The following NDFIP2 variants were observed in gnomAD, a reference collection of about 807,000 sequenced individuals.
NDFIP2 encodes Nedd4 family interacting protein 2, also known as NEDD4 family-interacting protein 2.
NDFIP2 carries 19 observed loss-of-function variants against 36.0 expected under a neutral mutation model. The ratio of observed to expected loss-of-function variants is 0.53; its 90% CI spans 0.37 to 0.77. The LOEUF (loss-of-function observed/expected upper bound fraction) is 0.77, where lower values mean the gene tolerates loss of function less well. Among genes scored for constraint, NDFIP2 ranks in the 30% least tolerant of loss-of-function variants. NDFIP2 has a pLI of 0.00. For missense variants in NDFIP2, 446 were observed against 435.8 expected, an observed-to-expected ratio of 1.02 and a Z score of -0.21; for synonymous variants, 181 against 167.7, an observed-to-expected ratio of 1.08 and a Z score of -0.61.
intron 3 of NDFIP2, among the ~76,000 whole-genome samples, chr13:79,538,474 A>G (rs906767938): frequency 7.2e-5 from 11 of 152,204 alleles, no homozygotes; most frequent in African/African-American, 2.7e-4. Flanking sequence ...AAATGGCACT[A>G]TAGGCATTGG....
chr13:79,553,578 C>G lies in NDFIP2; in HGVS notation c.*1065C>G, dbSNP rs1257865192. On this transcript the variant is annotated 3_prime_UTR_variant, in exon 8 of 8. Coordinates refer to ENST00000218652, the MANE Select transcript of NDFIP2 (RefSeq NM_019080.3). ...ATTTGTAAAGCTTAGCAAATAAAAT[C>G]TTGTACTATGAATAGCTTCTTGCTT... The G allele has an allele frequency of 6.6e-6, 1 of 151,564 alleles. No individual in the cohort carries two copies. The highest frequency in any genetic ancestry group is 1.5e-5 in the Non-Finnish European group (1 of 67,432). The allele number at this position is 151,564 out of a possible 1,614,324, so 9.4% of individuals were successfully genotyped here.
chr13:79,543,702 G>T lies in NDFIP2; in HGVS notation c.840+20G>T. ...GTCAGGGTGAGTGTCTTGATAGCCT[G>T]TATCTCTTTTATCTCTAAAATGAGA... is the stretch of plus-strand genomic sequence containing the variant. On this transcript the variant is annotated intron_variant, in intron 5 of 7. Coordinates refer to ENST00000218652, the MANE Select transcript of NDFIP2 (RefSeq NM_019080.3). 1 of 1,608,890 alleles carries T rather than the reference G, an allele frequency of 6.2e-7. No homozygotes were observed. The highest frequency in any genetic ancestry group is 1.1e-5 in the South Asian group (1 of 89,412).
At chr13:79,491,382 A>G (rs1420981432) in intron 1 of NDFIP2, among the ~76,000 whole-genome samples, 2 of 152,020 alleles carry the variant, frequency 1.3e-5, no homozygotes, top group Admixed American at 1.3e-4. Flanking sequence ...GTTTCTTTGC[A>G]TTCTCTTCCA....
chr13:79,539,855 G>T (rs1461211838), intron 4 of NDFIP2, 80 bp downstream of exon 4: 3 of 1,158,480 alleles, frequency 2.6e-6, no homozygotes, highest in Non-Finnish European at 3.9e-6. Flanking sequence ...GTGAAGAGAA[G>T]CAAATATTGT....
chr13:79,512,794 C>T (rs1874129982), intron 1 of NDFIP2, among the ~76,000 whole-genome samples: 3 of 152,142 alleles, frequency 2.0e-5, no homozygotes, highest in Admixed American at 1.3e-4. Context: ...ACATGTCTTG[C>T]AGTCTCTGAA....
At chr13:79,488,607 C>T (rs1873108991) in intron 1 of NDFIP2, among the ~76,000 whole-genome samples, 1 of 152,036 alleles carries the variant, frequency 6.6e-6, no homozygotes, top group Admixed American at 6.6e-5. Context: ...GGTAAGGGAG[C>T]AGTTTTTAGA....
intron 7 of NDFIP2, among the ~76,000 whole-genome samples, chr13:79,551,898 C>T (rs1406114041): frequency 6.6e-6 from 1 of 151,276 alleles, no homozygotes; most frequent in Admixed American, 6.6e-5. Context: ...CATTTGAACT[C>T]TATTACCAAA....
intron 1 of NDFIP2, among the ~76,000 whole-genome samples, chr13:79,487,706 T>G (rs575540036): frequency 2.6e-5 from 4 of 152,204 alleles, no homozygotes; most frequent in Admixed American, 2.6e-4. Context: ...AACATTCTGC[T>G]GCTGTCAATC....
chr13:79,527,054 T>A (rs1282296913), intron 2 of NDFIP2, among the ~76,000 whole-genome samples: 3 of 152,160 alleles, frequency 2.0e-5, no homozygotes, highest in Non-Finnish European at 4.4e-5. Context: ...AGATCACTGG[T>A]GACTTTTGCC....
At chr13:79,505,720 A>G (rs193007257) in intron 1 of NDFIP2, among the ~76,000 whole-genome samples, 16 of 152,190 alleles carry the variant, frequency 1.1e-4, no homozygotes, top group South Asian at 2.1e-4. Context: ...ATATAAATGA[A>G]TATACAGTGT....
chr13:79,515,555 A>G (rs1874265380), intron 1 of NDFIP2, among the ~76,000 whole-genome samples: 2 of 152,350 alleles, frequency 1.3e-5, no homozygotes, highest in Middle Eastern at 3.4e-3. Flanking sequence ...TTAGTGGAAA[A>G]GACATTTGGA....
At chr13:79,524,598 G>A (rs1020231340) in intron 2 of NDFIP2, among the ~76,000 whole-genome samples, 1 of 152,184 alleles carries the variant, frequency 6.6e-6, no homozygotes, top group South Asian at 2.1e-4. Flanking sequence ...ATAGCAAACA[G>A]ATTCAGGATG....
rs953212766 is a variant in NDFIP2, at chr13:79,504,234, A to T, written c.322-16576A>T. Among the ~76,000 whole-genome samples the T allele has an allele frequency of 1.2e-4, 18 of 152,326 alleles. No homozygotes were observed. In the East Asian group the frequency reaches 1.9e-3, roughly 16 times the overall value. On this transcript the variant is annotated intron_variant, in intron 1 of 7. Transcript: ENST00000218652. Reference sequence around the variant, plus strand: ...AAACTTTATTGAAAAATAATTTTAGACACAGAAAAATGGCAAAAATAATAC... The same window carrying T: ...AAACTTTATTGAAAAATAATTTTAGTCACAGAAAAATGGCAAAAATAATAC...
intron 1 of NDFIP2, among the ~76,000 whole-genome samples, chr13:79,501,910 T>A (rs1566656505): frequency 1.3e-5 from 2 of 152,146 alleles, no homozygotes; most frequent in Non-Finnish European, 2.9e-5. Context: ...TATGATAGAC[T>A]GTGTTGACTT....
intron 2 of NDFIP2, among the ~76,000 whole-genome samples, chr13:79,522,013 A>G (rs1403860591): frequency 6.6e-6 from 1 of 151,850 alleles, no homozygotes; most frequent in Non-Finnish European, 1.5e-5. Context: ...TATTCTTAGT[A>G]GAGACAGGGT....
chr13:79,500,534 C>G (rs1594843323), intron 1 of NDFIP2, among the ~76,000 whole-genome samples: 1 of 151,886 alleles, frequency 6.6e-6, no homozygotes, highest in East Asian at 1.9e-4. Flanking sequence ...GACACCTCAC[C>G]ACCGAAGATA....
intron 4 of NDFIP2, among the ~76,000 whole-genome samples, chr13:79,541,477 A>G (rs532348427): frequency 4.6e-5 from 7 of 151,708 alleles, no homozygotes; most frequent in Non-Finnish European, 8.9e-5. Flanking sequence ...TCCACAACTT[A>G]TATATTTAAT....
intron 3 of NDFIP2, among the ~76,000 whole-genome samples, chr13:79,535,445 CCT>C (rs1229292590): frequency 6.6e-6 from 1 of 152,080 alleles, no homozygotes. Context: ...TTTCCAGCAC[CCT>C]GTTTTAGAAA....
intron 3 of NDFIP2, among the ~76,000 whole-genome samples, chr13:79,538,185 C>T (rs1875317342): frequency 6.6e-6 from 1 of 152,152 alleles, no homozygotes. Context: ...ATCCGATCAC[C>T]TCCTACCAGG....
Sources: allele counts gnomAD v4.1 joint callset (sites outside exome capture counted in the v4.1 genomes callset), GRCh38; gene constraint gnomAD v4.1.1; transcripts MANE v1.5; gene names NCBI Gene and HGNC (gene_info 2026-07-23, HGNC 2026-07-21).